CRHR2: variants seen among roughly 807,000 people sequenced by gnomAD.
CRHR2 encodes corticotropin releasing hormone receptor 2.
In CRHR2, 53 loss-of-function variants were observed where a neutral mutation model predicts 57.9. That is an observed-to-expected ratio of 0.92 (90% CI 0.73 to 1.15). The LOEUF is 1.15. CRHR2 is among the 50% of genes most tolerant of loss of function. CRHR2 has a pLI of 0.00. For synonymous variants in CRHR2, 213 were observed against 220.9 expected (o/e 0.96, Z 0.32); for missense variants, 532 against 542.6 (o/e 0.98, Z 0.19).
chr7:30,684,736 G>T (rs1279500219), upstream of CRHR2, among the ~76,000 whole-genome samples: 4 of 152,192 alleles, frequency 2.6e-5, no homozygotes, highest in African/African-American at 9.7e-5. Flanking sequence ...AGGCACAGTT[G>T]TCATTCGAGA....
At position 30,665,028 on chromosome 7, in the gene CRHR2, A is replaced by G. The variant is rs781196298; in HGVS notation, c.543+42T>C. ...AGACAGATGGGTGCCCCCGGAGCCCAGAGCCCCCCAGGTATAGCCCCGAGT... is the reference window on the plus strand; with the variant it reads ...AGACAGATGGGTGCCCCCGGAGCCCGGAGCCCCCCAGGTATAGCCCCGAGT... On this transcript the variant is annotated intron_variant, in intron 5 of 11. Coordinates refer to ENST00000471646, the MANE Select transcript of CRHR2 (RefSeq NM_001883.5). The surrounding 1 kb of genome is among the most constrained non-coding windows in gnomAD (Gnocchi z 4.5). 3.2e-6 allele frequency: 5 copies of G among 1,540,352 alleles called. No individual in the cohort carries two copies. In the African/African-American group the frequency reaches 6.8e-5, roughly 21 times the overall value.
At chr7:30,686,533 G>A, upstream of CRHR2, 1 of 1,509,704 alleles carries the variant, frequency 6.6e-7, no homozygotes, top group Non-Finnish European at 8.8e-7. Flanking sequence ...TCTTGGCCAG[G>A]TGCAGTGGCT....
chr7:30,666,377 G>A (rs1784185030), intron 3 of CRHR2, among the ~76,000 whole-genome samples: 1 of 152,160 alleles, frequency 6.6e-6, no homozygotes, highest in Admixed American at 6.5e-5. Context: ...ACCAAGTGTT[G>A]GCAATTTGAA....
In CRHR2 at chr7:30,665,208, G is replaced by A; in HGVS notation, c.426-21C>T. 6.2e-7 allele frequency: 1 copy of A among 1,604,182 alleles called. No individual in the cohort carries two copies. Among genetic ancestry groups the A allele is most frequent in the Non-Finnish European group, 8.5e-7 (1 of 1,171,164 alleles). On this transcript the variant is annotated intron_variant, in intron 4 of 11. Transcript: ENST00000471646. This position sits in a 1 kb window ranked among gnomAD's most constrained non-coding sequence, Gnocchi z 4.5. Reference sequence around the variant, plus strand: ...TGCTCCTGTGGGAGGTGCAGGTCAGGGGTCAGCCAGGTTCAGGGGTCAACT... The same window carrying A: ...TGCTCCTGTGGGAGGTGCAGGTCAGAGGTCAGCCAGGTTCAGGGGTCAACT...
intron 2 of CRHR2, among the ~76,000 whole-genome samples, chr7:30,679,822 G>A (rs1195447670): frequency 6.6e-6 from 1 of 152,158 alleles, no homozygotes; most frequent in Non-Finnish European, 1.5e-5. Context: ...AGAAAGGGGA[G>A]GAGGGAAATC....
At chr7:30,691,588 G>T (rs1307072575) in intron 1 of CRHR2, among the ~76,000 whole-genome samples, 1 of 152,222 alleles carries the variant, frequency 6.6e-6, no homozygotes, top group African/African-American at 2.4e-5. Context: ...ACTTTGTGGG[G>T]AGTGGGCACA....
chr7:30,699,304 C>G (rs1282240556), intron 1 of CRHR2, among the ~76,000 whole-genome samples: 4 of 152,132 alleles, frequency 2.6e-5, no homozygotes, highest in Admixed American at 1.3e-4. Flanking sequence ...CGGGGTGTGG[C>G]TGGATGAAGC....
Position 30,655,647 on chromosome 7 carries a change from T to C in CRHR2, c.986A>G (p.Asn329Ser). 3.1e-6 allele frequency: 5 copies of C among 1,614,112 alleles called. No individual in the cohort carries two copies. Among genetic ancestry groups the C allele is most frequent in the Non-Finnish European group, 4.2e-6 (5 of 1,179,984 alleles). ...CTGTGACAGGTCGTCCTCCCCGGGA[T>C]TGACGAAGAAGAGCATGTAGGTGAT... ...LGITYMLFFV[N>S]PGEDDLSQIM... Residue 329 changes from asparagine to serine, a missense_variant, in exon 10 of 12, where the codon AAT (asparagine) becomes AGT (serine). Physicochemically the swap from Asn to Ser is conservative, Grantham distance 46. Coordinates refer to ENST00000471646, the MANE Select transcript of CRHR2 (RefSeq NM_001883.5).
intron 11 of CRHR2, chr7:30,654,668 C>T: frequency 6.5e-7 from 1 of 1,534,518 alleles, no homozygotes; most frequent in South Asian, 1.2e-5. Flanking sequence ...ATGTGCTGGT[C>T]TCTCTTCTGC....
intron 1 of CRHR2, among the ~76,000 whole-genome samples, chr7:30,695,678 A>T (rs1332591132): frequency 6.6e-6 from 1 of 152,218 alleles, no homozygotes; most frequent in Non-Finnish European, 1.5e-5. Context: ...CAGTTTGCAT[A>T]AAAGTCACAT....
intron 2 of CRHR2, among the ~76,000 whole-genome samples, chr7:30,668,030 C>T (rs768931506): frequency 5.9e-5 from 9 of 152,234 alleles, no homozygotes; most frequent in Non-Finnish European, 8.8e-5. Flanking sequence ...CCACCGCCCT[C>T]GGGCTGCTGC....
upstream of CRHR2, among the ~76,000 whole-genome samples, chr7:30,683,890 C>T (rs572257642): frequency 6.6e-6 from 1 of 152,312 alleles, no homozygotes; most frequent in South Asian, 2.1e-4. Flanking sequence ...AGCACCATGC[C>T]CTGGGCAGAG....
chr7:30,654,624 G>A, intron 11 of CRHR2: 1 of 1,482,668 alleles, frequency 6.7e-7, no homozygotes, highest in Non-Finnish European at 9.1e-7. Context: ...CCTGCTCTTG[G>A]TGTGTGGGCT....
intron 1 of CRHR2, among the ~76,000 whole-genome samples, chr7:30,691,747 AG>A (rs933372799): frequency 6.6e-6 from 1 of 152,234 alleles, no homozygotes; most frequent in Non-Finnish European, 1.5e-5. Context: ...ACACAGCCAA[AG>A]ATACTCATTC....
intron 8 of CRHR2, among the ~76,000 whole-genome samples, chr7:30,659,897 C>T (rs906801416): frequency 6.6e-6 from 1 of 152,114 alleles, no homozygotes; most frequent in Non-Finnish European, 1.5e-5. Flanking sequence ...TACGTAAATG[C>T]CAATTTCTTA....
chr7:30,671,227 G>A (rs1784341347), intron 2 of CRHR2, among the ~76,000 whole-genome samples: 1 of 152,142 alleles, frequency 6.6e-6, no homozygotes, highest in Non-Finnish European at 1.5e-5. Context: ...TATATGTTAT[G>A]TGAGACTCCC....
chr7:30,673,659 C>T (rs2128145241), intron 2 of CRHR2, among the ~76,000 whole-genome samples: 1 of 152,362 alleles, frequency 6.6e-6, no homozygotes, highest in African/African-American at 2.4e-5. Context: ...GTCAGACGTA[C>T]AGTCCTAGTA....
chr7:30,684,800 C>T (rs1453781786), upstream of CRHR2, among the ~76,000 whole-genome samples: 2 of 152,208 alleles, frequency 1.3e-5, no homozygotes, highest in Non-Finnish European at 2.9e-5. Context: ...ATTGATTTTA[C>T]AGCTCACTTT....
At chr7:30,685,537 C>G (rs1164242159), upstream of CRHR2, among the ~76,000 whole-genome samples, 4 of 152,122 alleles carry the variant, frequency 2.6e-5, no homozygotes, top group Non-Finnish European at 5.9e-5. Flanking sequence ...GAAGGTGCTG[C>G]ACTTTTGCCC....
Sources: allele counts gnomAD v4.1 joint callset (sites outside exome capture counted in the v4.1 genomes callset), GRCh38; gene constraint gnomAD v4.1.1; non-coding constraint Gnocchi (gnomAD v3.1); transcripts MANE v1.5; gene names NCBI Gene and HGNC (gene_info 2026-07-23, HGNC 2026-07-21).